Variants in NAA16 observed in about 807,000 individuals in gnomAD.
The protein encoded by NAA16 is NARG1-like protein.
A neutral mutation model predicts 110.3 loss-of-function variants in NAA16; 97 were observed. The observed-to-expected ratio is 0.88, with a 90% CI of 0.75 to 1.04. The LOEUF (loss-of-function observed/expected upper bound fraction) is 1.04, where lower values mean the gene tolerates loss of function less well. Among genes scored for constraint, NAA16 ranks in the 50% least tolerant of loss-of-function variants. NAA16 has a pLI of 0.00. For missense variants in NAA16, 1,017 were observed against 1,005.1 expected (o/e 1.01, Z -0.16); for synonymous variants, 372 against 330.6 (o/e 1.13, Z -1.36).
At chr13:41,324,764 G>C (rs1273214041) in intron 5 of NAA16, among the ~76,000 whole-genome samples, 2 of 151,450 alleles carry the variant, frequency 1.3e-5, no homozygotes, top group African/African-American at 4.9e-5. Flanking sequence ...ATGCACTACA[G>C]TCTTGAACTC....
At chr13:41,340,493 G>A (rs891994110) in intron 9 of NAA16, among the ~76,000 whole-genome samples, 10 of 151,964 alleles carry the variant, frequency 6.6e-5, no homozygotes, top group Non-Finnish European at 1.3e-4. Context: ...TCTACACACT[G>A]CTTTAAATGT....
In NAA16 at chr13:41,318,897, C is replaced by CCTTT; in HGVS notation, c.231_232insCTTT (p.Lys78LeufsTer2). 6.3e-7 allele frequency: 1 copy of CCTTT among 1,585,810 alleles called. No homozygotes were observed. Among genetic ancestry groups the CCTTT allele is most frequent in the Non-Finnish European group, 8.6e-7 (1 of 1,164,372 alleles). On this transcript the variant is annotated frameshift_variant, in exon 3 of 20. Transcript: ENST00000379406. LOFTEE classifies it high-confidence loss of function. ...TTCGTAAAGGACTTCGTAATGATGT[C>CCTTT]AAGAGTCATGTCTGTATCCTTTTGC... is the stretch of plus-strand genomic sequence containing the variant.
intron 9 of NAA16, among the ~76,000 whole-genome samples, chr13:41,354,027 G>A (rs1329665074): frequency 6.6e-6 from 1 of 152,120 alleles, no homozygotes; most frequent in Non-Finnish European, 1.5e-5. Flanking sequence ...GTACATACAT[G>A]TTTTAGTGAA....
chr13:41,371,635 ACAAT>A (rs2043320398), intron 15 of NAA16, among the ~76,000 whole-genome samples: 1 of 152,192 alleles, frequency 6.6e-6, no homozygotes, highest in South Asian at 2.1e-4. Flanking sequence ...AATACAGTAT[ACAAT>A]ACATGTAACA....
chr13:41,336,980 A>G (rs1363123042), intron 9 of NAA16, among the ~76,000 whole-genome samples: 1 of 152,188 alleles, frequency 6.6e-6, no homozygotes, highest in Non-Finnish European at 1.5e-5. Flanking sequence ...TTTAATAGGT[A>G]TACTTTTTTT....
intron 7 of NAA16, among the ~76,000 whole-genome samples, chr13:41,329,460 T>C (rs2042176994): frequency 6.6e-6 from 1 of 151,816 alleles, no homozygotes. Flanking sequence ...ATAAATATAT[T>C]CCTGAAATAA....
chr13:41,364,768 A>G (rs995555320), intron 13 of NAA16, among the ~76,000 whole-genome samples: 2 of 152,212 alleles, frequency 1.3e-5, no homozygotes, highest in African/African-American at 4.8e-5. Flanking sequence ...ATCTTTATCA[A>G]ATTGATAACA....
At chr13:41,317,066 T>A (rs2041828937) in intron 2 of NAA16, 136 bp downstream of exon 2, 4 of 624,760 alleles carry the variant, frequency 6.4e-6, no homozygotes, top group Non-Finnish European at 1.1e-5. Context: ...AGCATTTTTT[T>A]AATGCTTTAT....
chr13:41,332,529 T>G (rs994915509), intron 8 of NAA16, among the ~76,000 whole-genome samples: 1 of 152,208 alleles, frequency 6.6e-6, no homozygotes, highest in African/African-American at 2.4e-5. Flanking sequence ...TTCAGGTAGC[T>G]AATATCTTTG....
chr13:41,362,618 A>G, intron 13 of NAA16: 1 of 930,306 alleles, frequency 1.1e-6, no homozygotes, highest in Non-Finnish European at 1.5e-6. Context: ...GCCAGTTTGC[A>G]GGCTTATTTT....
At chr13:41,364,770 T>C (rs1268509153) in intron 13 of NAA16, among the ~76,000 whole-genome samples, 1 of 152,126 alleles carries the variant, frequency 6.6e-6, no homozygotes, top group Admixed American at 6.5e-5. Flanking sequence ...CTTTATCAAA[T>C]TGATAACATG....
At chr13:41,352,631 G>GCTA (rs1381928032) in intron 9 of NAA16, among the ~76,000 whole-genome samples, 1 of 152,124 alleles carries the variant, frequency 6.6e-6, no homozygotes, top group Non-Finnish European at 1.5e-5. Context: ...CTCCAGCCTA[G>GCTA]GCAACAGAGT....
intron 6 of NAA16, among the ~76,000 whole-genome samples, chr13:41,327,507 T>C (rs1464306349): frequency 6.6e-6 from 1 of 151,882 alleles, no homozygotes; most frequent in African/African-American, 2.4e-5. Context: ...TATTTAATCT[T>C]CAAAATAAAA....
chr13:41,331,012 G>A (rs946510198), intron 7 of NAA16, among the ~76,000 whole-genome samples: 4 of 152,068 alleles, frequency 2.6e-5, no homozygotes, highest in African/African-American at 9.7e-5. Context: ...GTGATGGCTT[G>A]TATATGTGAT....
rs368173753 is a variant in NAA16, at chr13:41,328,806, G to T, written c.774G>T (p.Trp258Cys). The change falls in exon 7 of 20, where the codon TGG becomes TGT. Residue 258 changes from tryptophan to cysteine, a missense_variant. By Grantham distance (215) the Trp-to-Cys change is radical. Transcript: ENST00000379406. The stretch of plus-strand genomic sequence containing the variant: ...TGATTGATCGAAATGCAGAAAATTG[G>T]TGTTATTATGAAGGCTTGGAAAAAG... ...KNLIDRNAENWCYYEGLEKAL... is the reference protein window; with the variant it reads ...KNLIDRNAENCCYYEGLEKAL... The T allele has an allele frequency of 2.7e-5, 44 of 1,604,622 alleles. No homozygotes were observed. Among genetic ancestry groups the T allele is most frequent in the Middle Eastern group, 3.3e-4 (2 of 6,050 alleles).
chr13:41,346,341 G>T (rs1457372400), intron 9 of NAA16, among the ~76,000 whole-genome samples: 1 of 152,236 alleles, frequency 6.6e-6, no homozygotes, highest in Non-Finnish European at 1.5e-5. Context: ...TGATGTGTAT[G>T]ACTGTCTTTA....
intron 9 of NAA16, among the ~76,000 whole-genome samples, 162 bp from the exon 10 acceptor site, chr13:41,354,982 A>G (rs977126246): frequency 2.7e-5 from 4 of 148,050 alleles, no homozygotes; most frequent in Admixed American, 6.9e-5. Flanking sequence ...AAGCGGGGAA[A>G]TACTCATGTT....
At chr13:41,374,544 A>G (rs2043390429) in intron 18 of NAA16, 198 bp from the exon 19 acceptor site, 2 of 454,330 alleles carry the variant, frequency 4.4e-6, no homozygotes, top group Non-Finnish European at 7.9e-6. Flanking sequence ...TACTCTGATC[A>G]TGGCCTATCA....
chr13:41,357,038 G>C (rs904643784), intron 10 of NAA16, among the ~76,000 whole-genome samples: 1 of 152,206 alleles, frequency 6.6e-6, no homozygotes, highest in Non-Finnish European at 1.5e-5. Flanking sequence ...ATGACGGCGT[G>C]GGGGCACGGT....
Sources: gnomAD v4.1 joint callset for allele counts (sites outside exome capture counted in the v4.1 genomes callset) on GRCh38, gnomAD v4.1.1 for gene constraint, MANE v1.5 for transcripts, NCBI Gene and HGNC (gene_info 2026-07-23, HGNC 2026-07-21) for gene names.